The following KCNQ5 variants were observed in gnomAD, a reference collection of about 807,000 sequenced individuals.
The protein encoded by KCNQ5 is potassium voltage-gated channel subfamily Q member 5, also known as potassium voltage-gated channel subfamily KQT member 5.
A neutral mutation model predicts 98.2 loss-of-function variants in KCNQ5; 30 were observed. The observed-to-expected ratio is 0.31, with a 90% confidence interval of 0.23 to 0.41. KCNQ5 has a LOEUF of 0.41. Ranked by LOEUF, KCNQ5 falls within the 10% of genes least tolerant of loss-of-function variation. KCNQ5 has a pLI of 1.00. For synonymous variants in KCNQ5, 458 were observed against 449.4 expected (o/e 1.02, Z -0.24); for missense variants, 835 against 1,182.5 (o/e 0.71, Z 4.31).
chr6:73,194,997 A>G lies in KCNQ5; in HGVS notation c.2382A>G (p.Ala794=), dbSNP rs1461107553. 3.1e-6 allele frequency: 5 copies of G among 1,614,092 alleles called. No homozygotes were observed. In the African/African-American group the frequency reaches 4.0e-5, roughly 13 times the overall value. ...LVASKENVQV[A]QSNLTKDRSM... is the part of the protein sequence containing the mutation. ...CCTCCAAGGAAAATGTTCAGGTTGC[A>G]CAGTCAAATCTCACCAAGGACCGTT... is the stretch of plus-strand genomic sequence containing the variant. The change falls in exon 14 of 14, where the codon GCA becomes GCG. Residue 794 remains alanine, a synonymous_variant. Transcript: ENST00000370398.
intron 1 of KCNQ5, among the ~76,000 whole-genome samples, chr6:72,725,779 T>A (rs1301102371): frequency 2.6e-5 from 4 of 152,176 alleles, no homozygotes; most frequent in African/African-American, 9.7e-5. Flanking sequence ...TCACATTTTC[T>A]CCCATAAATA....
At chr6:72,896,085 A>C (rs576189815) in intron 1 of KCNQ5, among the ~76,000 whole-genome samples, 1 of 152,350 alleles carries the variant, frequency 6.6e-6, no homozygotes, top group South Asian at 2.1e-4. Context: ...AGTCTATTAA[A>C]TTATAACAAA....
chr6:72,664,551 A>C (rs1252966796), intron 1 of KCNQ5, among the ~76,000 whole-genome samples: 2 of 152,092 alleles, frequency 1.3e-5, no homozygotes, highest in Admixed American at 6.6e-5. Flanking sequence ...GCTACTCAGG[A>C]GGCTGAGGCA....
chr6:72,671,051 C>T (rs1473164724), intron 1 of KCNQ5, among the ~76,000 whole-genome samples: 1 of 152,182 alleles, frequency 6.6e-6, no homozygotes, highest in Admixed American at 6.5e-5. Context: ...ACCTGCTGCT[C>T]ATTTCCATCT....
intron 1 of KCNQ5, among the ~76,000 whole-genome samples, chr6:72,685,417 A>G (rs1392436472): frequency 6.6e-6 from 1 of 152,242 alleles, no homozygotes; most frequent in Non-Finnish European, 1.5e-5. Context: ...ATACATGCAT[A>G]TAATACAAAA....
Position 73,040,582 on chromosome 6 carries a change from C to T in KCNQ5, c.490-1354C>T, listed in dbSNP as rs148668397. 3.9e-5 allele frequency among the ~76,000 whole-genome samples: 6 copies of T among 152,234 alleles called. No homozygotes were observed. The East Asian group carries it at 1.2e-3, about 29-fold the overall frequency. ...GATTATTAATGAATGTATGTTGACC[C>T]TAATTTTGGTTATCTGTGCATAAAG... On this transcript the variant is annotated intron_variant, in intron 2 of 13. Transcript: ENST00000370398.
chr6:72,668,659 C>G (rs779894050), intron 1 of KCNQ5, among the ~76,000 whole-genome samples: 34 of 151,784 alleles, frequency 2.2e-4, no homozygotes, highest in Non-Finnish European at 4.6e-4. Context: ...CAATGGAAAC[C>G]TCACAGTTCT....
chr6:72,648,789 T>A (rs1198504532), intron 1 of KCNQ5, among the ~76,000 whole-genome samples: 1 of 143,394 alleles, frequency 7.0e-6, no homozygotes, highest in Admixed American at 6.7e-5. Flanking sequence ...TTTTTTTTTT[T>A]TAATTCTCAG....
At chr6:73,025,738 C>G (rs1770852673) in intron 2 of KCNQ5, among the ~76,000 whole-genome samples, 1 of 150,922 alleles carries the variant, frequency 6.6e-6, no homozygotes, top group African/African-American at 2.4e-5. Flanking sequence ...CTTCCCATAT[C>G]TGCTGTTTTT....
chr6:73,058,405 C>T (rs577174539), intron 3 of KCNQ5, among the ~76,000 whole-genome samples: 10 of 151,876 alleles, frequency 6.6e-5, no homozygotes, highest in East Asian at 1.9e-4. Context: ...AGCGAGACTC[C>T]GTCTCAAAAA....
chr6:73,038,855 A>AC (rs1426716151), intron 2 of KCNQ5, among the ~76,000 whole-genome samples: 1 of 152,048 alleles, frequency 6.6e-6, no homozygotes, highest in Admixed American at 6.6e-5. Context: ...GATAATACTG[A>AC]CTTCATAAAA....
At chr6:73,032,366 C>T (rs1771190751) in intron 2 of KCNQ5, among the ~76,000 whole-genome samples, 1 of 152,102 alleles carries the variant, frequency 6.6e-6, no homozygotes, top group South Asian at 2.1e-4. Flanking sequence ...CCGGATTTCA[C>T]CATGTTAACC....
At chr6:73,138,254 A>C (rs1188961182) in intron 10 of KCNQ5, among the ~76,000 whole-genome samples, 2 of 152,192 alleles carry the variant, frequency 1.3e-5, no homozygotes, top group Non-Finnish European at 2.9e-5. Context: ...CAGACAAGCA[A>C]GTGGAAGGTG....
chr6:73,085,779 T>C (rs1255668254), intron 5 of KCNQ5, among the ~76,000 whole-genome samples: 3 of 152,228 alleles, frequency 2.0e-5, no homozygotes, highest in Admixed American at 1.3e-4. Context: ...GTCACTTGGC[T>C]GTGTCCCATT....
intron 1 of KCNQ5, among the ~76,000 whole-genome samples, chr6:72,935,850 T>C (rs1031461677): frequency 6.6e-6 from 1 of 152,140 alleles, no homozygotes; most frequent in Admixed American, 6.5e-5. Flanking sequence ...CTCCTCTCAC[T>C]CTACCTCAAA....
At chr6:72,900,863 T>A (rs929316723) in intron 1 of KCNQ5, among the ~76,000 whole-genome samples, 4 of 152,166 alleles carry the variant, frequency 2.6e-5, no homozygotes, top group Non-Finnish European at 5.9e-5. Flanking sequence ...TAAGGTGGTA[T>A]CACATGGTGG....
chr6:72,782,430 A>T (rs1773532670), intron 1 of KCNQ5, among the ~76,000 whole-genome samples: 1 of 152,226 alleles, frequency 6.6e-6, no homozygotes, highest in African/African-American at 2.4e-5. Context: ...TATGTGCATG[A>T]AGAAATAAAT....
intron 12 of KCNQ5, among the ~76,000 whole-genome samples, chr6:73,191,915 G>T (rs945043442): frequency 6.6e-6 from 1 of 152,138 alleles, no homozygotes; most frequent in Non-Finnish European, 1.5e-5. Flanking sequence ...TCTCATTTAG[G>T]CTGGTCAAGT....
intron 1 of KCNQ5, among the ~76,000 whole-genome samples, chr6:72,859,312 A>G (rs1028984447): frequency 6.6e-6 from 1 of 152,168 alleles, no homozygotes; most frequent in Non-Finnish European, 1.5e-5. Context: ...GAACACATCT[A>G]TTGATAGAAA....
Sources: allele counts gnomAD v4.1 joint callset (sites outside exome capture counted in the v4.1 genomes callset), GRCh38; gene constraint gnomAD v4.1.1; transcripts MANE v1.5; gene names NCBI Gene and HGNC (gene_info 2026-07-23, HGNC 2026-07-21).